Variants in FAM120AOS observed in about 807,000 individuals in gnomAD.
FAM120AOS encodes uncharacterized protein FAM120AOS.
In FAM120AOS, 15 loss-of-function variants were observed where a neutral mutation model predicts 20.2. That is an observed-to-expected ratio of 0.74 (90% CI 0.50 to 1.15). The LOEUF is 1.15. Ranked by LOEUF, FAM120AOS falls within the 50% of genes most tolerant of loss-of-function variation. FAM120AOS has a pLI of 0.00. For synonymous variants in FAM120AOS, 154 were observed against 154.0 expected (o/e 1.00, Z 0.00); for missense variants, 327 against 351.9 (o/e 0.93, Z 0.57).
intron 1 of FAM120AOS, chr9:93,450,984 C>CT (rs1406636920): frequency 2.0e-6 from 3 of 1,519,576 alleles, no homozygotes; most frequent in Non-Finnish European, 1.8e-6. Flanking sequence ...CGAGCAGGCG[C>CT]TTAGGGCTAC....
intron 1 of FAM120AOS, chr9:93,451,562 G>A (rs922876852): frequency 3.0e-6 from 3 of 984,260 alleles, no homozygotes; most frequent in South Asian, 4.6e-5. Context: ...CCCGAGCCGC[G>A]TCCCGCCGGC....
Position 93,443,392 on chromosome 9 carries a change from T to C in FAM120AOS, c.*4219A>G, listed in dbSNP as rs1343088488. Among the ~76,000 whole-genome samples, 1 of 152,202 alleles carries C rather than the reference T, an allele frequency of 6.6e-6. No homozygotes were observed. Among genetic ancestry groups the C allele is most frequent in the Non-Finnish European group, 1.5e-5 (1 of 68,030 alleles). ...TTCTAACAGTACAAGATTATCAATG[T>C]TTTGACAATTTTCAAAAGACAGGAA... On this transcript the variant is annotated 3_prime_UTR_variant, in exon 3 of 3. Transcript: ENST00000375412.
Position 93,450,594 on chromosome 9 carries a change from A to T in FAM120AOS, c.569T>A (p.Leu190His), listed in dbSNP as rs1857097153. 6.2e-7 allele frequency: 1 copy of T among 1,605,552 alleles called. No individual in the cohort carries two copies. Among genetic ancestry groups the T allele is most frequent in the Non-Finnish European group, 8.5e-7 (1 of 1,176,578 alleles). ...TCGGTTGCATCCTGCTCCTCTACAG[A>T]GGTTTCTCCAAAAAAAGAACAAATG... ...KQALASAARN[L>H]CRGAGCNRQA... Residue 190 changes from leucine (L) to histidine (H), a missense_variant, in exon 2 of 3, where the codon CTC becomes CAC. Around this residue, in one of 3 missense-constraint regions of FAM120AOS, gnomAD observed 86 missense variants for 82.9 expected, o/e 1.04. Coordinates refer to ENST00000375412, the MANE Select transcript of FAM120AOS (RefSeq NM_198841.4).
Position 93,452,035 on chromosome 9 carries a change from G to A in FAM120AOS, c.563+112C>T, listed in dbSNP as rs1857254320. The A allele has an allele frequency of 1.9e-6, 3 of 1,568,206 alleles. No individual in the cohort carries two copies. The highest frequency in any genetic ancestry group is 4.7e-5 in the East Asian group (2 of 42,736). ...TGGGCGGCGGGCGGCAGCGGCCCCC[G>A]CAGACCCCGCTGCGCCTGCTGGTGG... is the stretch of plus-strand genomic sequence containing the variant. On this transcript the variant is annotated intron_variant, in intron 1 of 2. Coordinates refer to ENST00000375412, the MANE Select transcript of FAM120AOS (RefSeq NM_198841.4). The surrounding 1 kb of genome is among the most constrained non-coding windows in gnomAD (Gnocchi z 7.0).
rs1470990331 is a variant in FAM120AOS, at chr9:93,445,276, A to G, written c.*2335T>C. 6.9e-6 allele frequency among the ~76,000 whole-genome samples: 1 copy of G among 145,450 alleles called. No individual in the cohort carries two copies. The highest frequency in any genetic ancestry group is 1.5e-5 in the Non-Finnish European group (1 of 67,152). On this transcript the variant is annotated 3_prime_UTR_variant, in exon 3 of 3. Coordinates refer to ENST00000375412, the MANE Select transcript of FAM120AOS (RefSeq NM_198841.4). The stretch of plus-strand genomic sequence containing the variant: ...AGAAATTGTATATATTCATCCCTGA[A>G]AGGTCTGAGAAAAAATAAAAAAAAA...
At chr9:93,450,149 C>T (rs1857052342) in intron 2 of FAM120AOS, among the ~76,000 whole-genome samples, 3 of 152,022 alleles carry the variant, frequency 2.0e-5, no homozygotes, top group Admixed American at 2.0e-4. Flanking sequence ...CCACCAGGCC[C>T]GCCTAATTTT....
Position 93,452,953 on chromosome 9 carries a change from C to T in FAM120AOS, c.-244G>A. ...CTAAGGGCCAGTGCCCTGGCCTCTA[C>T]TTCAGAACGCAGTGCCCTGTCCGTG... On this transcript the variant is annotated 5_prime_UTR_variant, in exon 1 of 3. Transcript: ENST00000375412. The surrounding 1 kb of genome is among the most constrained non-coding windows in gnomAD (Gnocchi z 7.0). 2.9e-6 allele frequency: 4 copies of T among 1,387,044 alleles called. No individual in the cohort carries two copies. The highest frequency in any genetic ancestry group is 3.7e-6 in the Non-Finnish European group (4 of 1,075,374). The allele number at this position is 1,387,044 out of a possible 1,614,324, so 85.9% of individuals were successfully genotyped here. A position where few individuals can be genotyped will look rare whatever the true frequency, so the allele number is the denominator to read the frequency against.
In FAM120AOS at chr9:93,446,633, A is replaced by T. The variant is rs187624162; in HGVS notation, c.*978T>A. ...TCAACTGAGTACTGTCTTTCAAAGC[A>T]GTCCCTGTCAGTTTGTCCATTGATT... On this transcript the variant is annotated 3_prime_UTR_variant, in exon 3 of 3. Transcript: ENST00000375412. 6 of 152,342 alleles carry T rather than the reference A, an allele frequency of 3.9e-5. No homozygotes were observed. The highest frequency in any genetic ancestry group is 2.6e-4 in the Admixed American group (4 of 15,296). The allele number at this position is 152,342 out of a possible 1,614,324, so 9.4% of individuals were successfully genotyped here.
chr9:93,450,365 C>G, intron 2 of FAM120AOS, 114 bp downstream of exon 2: 5 of 1,447,908 alleles, frequency 3.5e-6, no homozygotes, highest in Non-Finnish European at 4.6e-6. Context: ...AACTTGTCAG[C>G]CTGCTTTTAA....
Position 93,453,164 on chromosome 9 carries a change from C to A in FAM120AOS, c.-455G>T. 1 of 1,000,436 alleles carries A rather than the reference C, an allele frequency of 1.0e-6. No individual in the cohort carries two copies. The highest frequency in any genetic ancestry group is 1.7e-5 in the African/African-American group (1 of 57,366). 62.0% of individuals were successfully genotyped at this position (1,000,436 alleles called of 1,614,324 possible). On this transcript the variant is annotated 5_prime_UTR_variant, in exon 1 of 3. Transcript: ENST00000375412. ...AAAGGAGTCGCTCAAAATCAGGGGG[C>A]GAACTACGCGGGCGTGAACTCGCAG... is the stretch of plus-strand genomic sequence containing the variant.
intron 1 of FAM120AOS, chr9:93,451,796 GCCC>G: frequency 3.7e-6 from 2 of 540,984 alleles, no homozygotes; most frequent in Non-Finnish European, 4.2e-6. Context: ...CCCCCGACCC[GCCC>G]CAGTCCCCCC....
chr9:93,451,470 C>A (rs1857186662), intron 1 of FAM120AOS: 3 of 1,108,186 alleles, frequency 2.7e-6, no homozygotes, highest in Admixed American at 4.5e-5. Flanking sequence ...CCTCCAGGCG[C>A]TGCCTGCTCC....
chr9:93,453,559 A>T lies in FAM120AOS; in HGVS notation c.-850T>A. ...TTCGCGGTTGCCCCCACTGCCCGCGAGGAGATGGTGGTAGTTAAGCCTAAA... is the reference window on the plus strand; with the variant it reads ...TTCGCGGTTGCCCCCACTGCCCGCGTGGAGATGGTGGTAGTTAAGCCTAAA... On this transcript the variant is annotated 5_prime_UTR_variant, in exon 1 of 3. Coordinates refer to ENST00000375412, the MANE Select transcript of FAM120AOS (RefSeq NM_198841.4). The T allele has an allele frequency of 1.0e-6, 1 of 985,346 alleles. No individual in the cohort carries two copies. Among genetic ancestry groups the T allele is most frequent in the Non-Finnish European group, 1.2e-6 (1 of 829,924 alleles). The allele number at this position is 985,346 out of a possible 1,614,324, so 61.0% of individuals were successfully genotyped here. A position where few individuals can be genotyped will look rare whatever the true frequency, so the allele number is the denominator to read the frequency against.
rs1323616820 is a variant in FAM120AOS, at chr9:93,453,004, G to C, written c.-295C>G. 8.0e-7 allele frequency: 1 copy of C among 1,247,630 alleles called. No homozygotes were observed. Among genetic ancestry groups the C allele is most frequent in the Non-Finnish European group, 1.0e-6 (1 of 993,082 alleles). 77.3% of individuals were successfully genotyped at this position (1,247,630 alleles called of 1,614,324 possible). ...TTCCTCTTAGTACAGGGTGTTTAGAGAATCTTTCTATGGCTTTTTGTGTTA... is the reference window on the plus strand; with the variant it reads ...TTCCTCTTAGTACAGGGTGTTTAGACAATCTTTCTATGGCTTTTTGTGTTA... On this transcript the variant is annotated 5_prime_UTR_variant, in exon 1 of 3. Transcript: ENST00000375412.
intron 1 of FAM120AOS, 124 bp from the exon 2 acceptor site, chr9:93,450,723 G>T (rs747318347): frequency 6.6e-5 from 95 of 1,440,190 alleles, no homozygotes; most frequent in South Asian, 3.6e-4. Context: ...AATGTTTTAT[G>T]CAAGCCTAAT....
rs1588734150 is a variant in FAM120AOS at position 93,444,879 on chromosome 9, G to T, written c.*2732C>A. On this transcript the variant is annotated 3_prime_UTR_variant, in exon 3 of 3. Coordinates refer to ENST00000375412, the MANE Select transcript of FAM120AOS (RefSeq NM_198841.4). The stretch of plus-strand genomic sequence containing the variant: ...TCCACCCGCCTCGGCCTCCCAAAGT[G>T]CTGGGATTACAGGAATGAGCCACTG... 6.6e-6 allele frequency among the ~76,000 whole-genome samples: 1 copy of T among 152,294 alleles called. No individual in the cohort carries two copies. Among genetic ancestry groups the T allele is most frequent in the African/African-American group, 2.4e-5 (1 of 41,568 alleles).
At chr9:93,451,631 G>C (rs1488245623) in intron 1 of FAM120AOS, 1 of 981,820 alleles carries the variant, frequency 1.0e-6, no homozygotes, top group African/African-American at 1.8e-5. Context: ...GGGCGGGTCC[G>C]CTACGTCAGC....
At position 93,443,719 on chromosome 9, in the gene FAM120AOS, G is replaced by A. The variant is rs1676579802; in HGVS notation, c.*3892C>T. On this transcript the variant is annotated 3_prime_UTR_variant, in exon 3 of 3. Transcript: ENST00000375412. ...CTCTGTCTCTTGTATGTGCAGCTCT[G>A]GGCTGAGCACGGAATTCAGCTCATG... Among the ~76,000 whole-genome samples the A allele has an allele frequency of 6.6e-6, 1 of 152,158 alleles. No homozygotes were observed. Among genetic ancestry groups the A allele is most frequent in the Non-Finnish European group, 1.5e-5 (1 of 68,026 alleles).
At position 93,443,540 on chromosome 9, in the gene FAM120AOS, CTG is replaced by C. The variant is rs1282793041; in HGVS notation, c.*4069_*4070del. Reference sequence around the variant, plus strand: ...ACTGTCTGTTTTATGTTGGGAGACTCTGTGTTCTGCTAAAATTCCCTGAAGAA... The same window carrying C: ...ACTGTCTGTTTTATGTTGGGAGACTCTGTTCTGCTAAAATTCCCTGAAGAA... On this transcript the variant is annotated 3_prime_UTR_variant, in exon 3 of 3. Transcript: ENST00000375412. 1.3e-5 allele frequency among the ~76,000 whole-genome samples: 2 copies of C among 152,176 alleles called. No individual in the cohort carries two copies. The highest frequency in any genetic ancestry group is 2.9e-5 in the Non-Finnish European group (2 of 68,022).
Sources: gnomAD v4.1 joint callset for allele counts (sites outside exome capture counted in the v4.1 genomes callset) on GRCh38, gnomAD v4.1.1 for gene constraint, gnomAD v4.1.1 regional missense constraint, Gnocchi (gnomAD v3.1) non-coding constraint, MANE v1.5 for transcripts, NCBI Gene and HGNC (gene_info 2026-07-23, HGNC 2026-07-21) for gene names.